The following WWOX variants were observed in gnomAD, a reference collection of about 807,000 sequenced individuals.
WWOX encodes WW domain containing oxidoreductase, also known as WW domain-containing oxidoreductase.
Under a neutral mutation model 46.2 loss-of-function variants are expected in WWOX, and 69 were observed. The observed-to-expected ratio is 1.49, with a 90% CI of 1.23 to 1.82. WWOX has a LOEUF of 1.82. Ranked by LOEUF, WWOX falls within the 40% of genes most tolerant of loss-of-function variation. WWOX has a pLI of 0.00. For missense variants in WWOX, 919 were observed against 542.6 expected, an observed-to-expected ratio of 1.69 and a Z score of -6.89; for synonymous variants, 359 against 202.6, an observed-to-expected ratio of 1.77 and a Z score of -6.56.
At chr16:78,968,074 A>G (rs751527140) in intron 8 of WWOX, among the ~76,000 whole-genome samples, 1 of 151,878 alleles carries the variant, frequency 6.6e-6, no homozygotes, top group Non-Finnish European at 1.5e-5. Context: ...TGTGGTCTGT[A>G]TGGCACAGTG....
At chr16:78,863,141 A>G (rs1295871450) in intron 8 of WWOX, among the ~76,000 whole-genome samples, 1 of 151,986 alleles carries the variant, frequency 6.6e-6, no homozygotes, top group Admixed American at 6.6e-5. Context: ...TATTTTTAAT[A>G]GAGATGGGGT....
intron 8 of WWOX, among the ~76,000 whole-genome samples, chr16:78,931,301 C>G (rs2045619523): frequency 6.6e-6 from 1 of 152,136 alleles, no homozygotes; most frequent in African/African-American, 2.4e-5. Flanking sequence ...AACTCCCAAT[C>G]TGAACGGTAG....
chr16:78,249,203 C>G (rs2077354962), intron 5 of WWOX, among the ~76,000 whole-genome samples: 1 of 152,080 alleles, frequency 6.6e-6, no homozygotes, highest in African/African-American at 2.4e-5. Flanking sequence ...AATGTCTTTC[C>G]CAAGCTCATG....
chr16:78,538,330 A>G (rs564743388), intron 8 of WWOX, among the ~76,000 whole-genome samples: 7 of 151,434 alleles, frequency 4.6e-5, no homozygotes, highest in Non-Finnish European at 1.0e-4. Flanking sequence ...AGCAATATCT[A>G]GGCACGGCTG....
At chr16:79,056,603 C>T (rs1422867499) in intron 8 of WWOX, among the ~76,000 whole-genome samples, 10 of 152,202 alleles carry the variant, frequency 6.6e-5, no homozygotes, top group Non-Finnish European at 1.5e-4. Context: ...AGCAGCATCC[C>T]TGGCCTCTAC....
chr16:78,953,693 G>T (rs1356331511), intron 8 of WWOX, among the ~76,000 whole-genome samples: 1 of 152,148 alleles, frequency 6.6e-6, no homozygotes, highest in East Asian at 1.9e-4. Flanking sequence ...GGCAGTGACA[G>T]AAGAGAGTGC....
intron 5 of WWOX, among the ~76,000 whole-genome samples, chr16:78,350,880 C>T (rs1398037220): frequency 8.3e-6 from 1 of 120,564 alleles, no homozygotes; most frequent in African/African-American, 2.8e-5. Flanking sequence ...CCAGATTGTT[C>T]TCCACAGCAG....
chr16:78,430,437 G>T (rs78351262), intron 7 of WWOX, among the ~76,000 whole-genome samples: 3,609 of 152,220 alleles, frequency 0.024, 84 homozygotes, highest in African/African-American at 0.052. Flanking sequence ...TGGAAATTCA[G>T]TGGATGTTTC....
chr16:78,866,151 T>G (rs903398059), intron 8 of WWOX, among the ~76,000 whole-genome samples: 2 of 152,206 alleles, frequency 1.3e-5, no homozygotes, highest in African/African-American at 4.8e-5. Flanking sequence ...CCCATCTAGC[T>G]CCTGGGCTAA....
intron 8 of WWOX, among the ~76,000 whole-genome samples, chr16:79,064,406 T>C (rs1235998296): frequency 6.6e-6 from 1 of 152,176 alleles, no homozygotes; most frequent in African/African-American, 2.4e-5. Context: ...AAAGGTTATT[T>C]TGAAGATTAA....
At chr16:78,670,375 T>C (rs183930285) in intron 8 of WWOX, among the ~76,000 whole-genome samples, 6 of 152,302 alleles carry the variant, frequency 3.9e-5, no homozygotes, top group African/African-American at 9.6e-5. Flanking sequence ...CCCGGAAATA[T>C]GCAGGAAAAG....
chr16:78,613,478 G>T (rs542816665), intron 8 of WWOX, among the ~76,000 whole-genome samples: 1 of 152,234 alleles, frequency 6.6e-6, no homozygotes, highest in Admixed American at 6.5e-5. Context: ...TCGCTGTCCT[G>T]CCAGTTTCCT....
At position 79,163,181 on chromosome 16, in the gene WWOX, C is replaced by T. The variant is rs1392741169; in HGVS notation, c.1057-48427C>T. 3.3e-5 allele frequency among the ~76,000 whole-genome samples: 5 copies of T among 152,000 alleles called. No individual in the cohort carries two copies. In the South Asian group the frequency reaches 1.0e-3, roughly 32 times the overall value. Reference sequence around the variant, plus strand: ...TATGCTGGGGGAGACACTGTGTATACAAACCTAGGAGGGAGAGATTGGGAG... The same window carrying T: ...TATGCTGGGGGAGACACTGTGTATATAAACCTAGGAGGGAGAGATTGGGAG... On this transcript the variant is annotated intron_variant, in intron 8 of 8. Coordinates refer to ENST00000566780, the MANE Select transcript of WWOX (RefSeq NM_016373.4).
intron 5 of WWOX, among the ~76,000 whole-genome samples, chr16:78,210,948 A>C (rs185579618): frequency 6.6e-6 from 1 of 152,222 alleles, no homozygotes; most frequent in African/African-American, 2.4e-5. Flanking sequence ...ATTTAAGTAC[A>C]TCTGGGATAA....
intron 8 of WWOX, among the ~76,000 whole-genome samples, chr16:78,693,541 C>G (rs936200112): frequency 1.3e-5 from 2 of 151,242 alleles, no homozygotes; most frequent in African/African-American, 4.8e-5. Context: ...ATACACAGAA[C>G]CAAATAGTCA....
At chr16:78,704,094 G>C (rs1030437904) in intron 8 of WWOX, among the ~76,000 whole-genome samples, 1 of 150,264 alleles carries the variant, frequency 6.7e-6, no homozygotes, top group African/African-American at 2.4e-5. Context: ...ACTAGATGTT[G>C]TTCCACCCAG....
chr16:78,178,327 G>A (rs2035415679), intron 5 of WWOX, among the ~76,000 whole-genome samples: 1 of 152,182 alleles, frequency 6.6e-6, no homozygotes, highest in Admixed American at 6.5e-5. Context: ...AGCTCAGCCA[G>A]CCTCTAGCCC....
At chr16:78,132,473 C>T (rs1191520793) in intron 4 of WWOX, among the ~76,000 whole-genome samples, 1 of 152,170 alleles carries the variant, frequency 6.6e-6, no homozygotes, top group Admixed American at 6.5e-5. Flanking sequence ...ATTGCTTCTT[C>T]TGTAATTTAT....
chr16:78,981,351 T>C (rs923687741), intron 8 of WWOX, among the ~76,000 whole-genome samples: 2 of 152,050 alleles, frequency 1.3e-5, no homozygotes, highest in African/African-American at 2.4e-5. Context: ...AGCAGATCTC[T>C]TTAGGGCAGA....
Sources: gnomAD v4.1 joint callset for allele counts (sites outside exome capture counted in the v4.1 genomes callset) on GRCh38, gnomAD v4.1.1 for gene constraint, MANE v1.5 for transcripts, NCBI Gene and HGNC (gene_info 2026-07-23, HGNC 2026-07-21) for gene names.